The following SDK1 variants were observed in gnomAD, a reference collection of about 807,000 sequenced individuals.
SDK1 encodes protein sidekick-1.
Under a neutral mutation model 245.5 loss-of-function variants are expected in SDK1, and 157 were observed. The observed-to-expected ratio is 0.64, with a 90% CI of 0.56 to 0.73. SDK1 has a LOEUF of 0.73. SDK1 is among the 30% of genes least tolerant of loss of function. The probability of loss-of-function intolerance (pLI) is 0.00; values close to 1 mark genes in which losing one functional copy is unlikely to be tolerated. For missense variants in SDK1, 3,583 were observed against 3,002.3 expected (o/e 1.19, Z -4.52); for synonymous variants, 1,647 against 1,278.5 (o/e 1.29, Z -6.15).
intron 1 of SDK1, among the ~76,000 whole-genome samples, chr7:3,568,949 ACATTTATTTTTAGTTT>A (rs1780014259): frequency 6.6e-6 from 1 of 151,964 alleles, no homozygotes; most frequent in Non-Finnish European, 1.5e-5. Context: ...ATGCAAATAA[ACATTTATTTTTAGTTT>A]AAGTTCTCTA....
At chr7:3,506,931 A>C (rs1782413051) in intron 1 of SDK1, among the ~76,000 whole-genome samples, 1 of 151,854 alleles carries the variant, frequency 6.6e-6, no homozygotes, top group Non-Finnish European at 1.5e-5. Context: ...TATATAGTCT[A>C]ATTTTTCTCT....
chr7:4,218,392 C>CAAA (rs571075302), intron 38 of SDK1, among the ~76,000 whole-genome samples: 2 of 132,852 alleles, frequency 1.5e-5, no homozygotes, highest in Non-Finnish European at 3.2e-5. Flanking sequence ...GACTCCGTCT[C>CAAA]AAAAAAAAAA....
chr7:3,637,240 G>T (rs933791517), intron 2 of SDK1, among the ~76,000 whole-genome samples: 1 of 152,086 alleles, frequency 6.6e-6, no homozygotes, highest in African/African-American at 2.4e-5. Flanking sequence ...TGGGATTACA[G>T]GCGTGTGCCA....
At chr7:3,348,487 G>A (rs887169916) in intron 1 of SDK1, among the ~76,000 whole-genome samples, 4 of 87,518 alleles carry the variant, frequency 4.6e-5, no homozygotes, top group African/African-American at 1.4e-4. Context: ...TCGTAAGGGA[G>A]AACTAAACAT....
At chr7:4,025,398 C>A (rs1049011011) in intron 17 of SDK1, among the ~76,000 whole-genome samples, 1 of 152,176 alleles carries the variant, frequency 6.6e-6, no homozygotes, top group Admixed American at 6.5e-5. Flanking sequence ...AGGCACATAG[C>A]GGAGGACTGG....
At chr7:3,919,548 G>C (rs1779515263) in intron 5 of SDK1, among the ~76,000 whole-genome samples, 1 of 152,200 alleles carries the variant, frequency 6.6e-6, no homozygotes, top group African/African-American at 2.4e-5. Flanking sequence ...CTGGTGAACT[G>C]AAAGATAGAC....
chr7:3,364,191 T>A (rs1400077679), intron 1 of SDK1, among the ~76,000 whole-genome samples: 1 of 152,232 alleles, frequency 6.6e-6, no homozygotes. Context: ...TACTAGGCAT[T>A]TGTTGAACAT....
intron 5 of SDK1, among the ~76,000 whole-genome samples, chr7:3,845,683 G>A (rs1208524924): frequency 6.7e-6 from 1 of 149,164 alleles, no homozygotes; most frequent in African/African-American, 2.5e-5. Context: ...TTCTCTCCAC[G>A]TGCTTCTCCT....
chr7:3,801,596 G>A (rs961313508), intron 4 of SDK1, among the ~76,000 whole-genome samples: 1 of 152,146 alleles, frequency 6.6e-6, no homozygotes, highest in African/African-American at 2.4e-5. Flanking sequence ...CAGGAAGGAG[G>A]GCCTGGGAGG....
intron 4 of SDK1, among the ~76,000 whole-genome samples, chr7:3,786,087 C>A (rs978818957): frequency 6.6e-6 from 1 of 152,086 alleles, no homozygotes; most frequent in African/African-American, 2.4e-5. Flanking sequence ...ATAGAGAGAG[C>A]GAAAGTGCTC....
At chr7:3,335,421 T>C (rs1278095894) in intron 1 of SDK1, among the ~76,000 whole-genome samples, 35 of 40,894 alleles carry the variant, frequency 8.6e-4, no homozygotes, top group Admixed American at 6.7e-3. Context: ...GGTACTTATC[T>C]TTTTTTTTTT....
At chr7:3,956,939 G>A (rs1368018373) in intron 7 of SDK1, among the ~76,000 whole-genome samples, 3 of 152,174 alleles carry the variant, frequency 2.0e-5, no homozygotes, top group African/African-American at 7.2e-5. Context: ...TGTACCAGGC[G>A]ACAACGGTAA....
At chr7:3,925,657 G>A (rs1223023418) in intron 5 of SDK1, among the ~76,000 whole-genome samples, 4 of 152,168 alleles carry the variant, frequency 2.6e-5, no homozygotes, top group Admixed American at 6.5e-5. Context: ...TGAGGCACAC[G>A]GATCCTTCCT....
intron 5 of SDK1, among the ~76,000 whole-genome samples, chr7:3,832,058 AATAAT>A (rs1397992869): frequency 6.6e-6 from 1 of 152,170 alleles, no homozygotes; most frequent in Non-Finnish European, 1.5e-5. Flanking sequence ...CTCTTAAAAT[AATAAT>A]ATAATAATCA....
At chr7:3,560,294 A>G (rs943111473) in intron 1 of SDK1, among the ~76,000 whole-genome samples, 2 of 152,160 alleles carry the variant, frequency 1.3e-5, no homozygotes, top group Admixed American at 6.5e-5. Context: ...TGTACTGTCT[A>G]TATGCTGATG....
intron 1 of SDK1, among the ~76,000 whole-genome samples, chr7:3,564,828 G>C (rs935303523): frequency 6.6e-6 from 1 of 152,176 alleles, no homozygotes; most frequent in East Asian, 1.9e-4. Context: ...TGAAGAGAGA[G>C]ATGTTCAGCA....
chr7:4,157,175 T>C (rs1676885093), intron 30 of SDK1, among the ~76,000 whole-genome samples: 1 of 151,956 alleles, frequency 6.6e-6, no homozygotes, highest in African/African-American at 2.4e-5. Flanking sequence ...CGGAAGAGTT[T>C]GGCTGAAGTC....
At chr7:3,569,015 T>TTTG (rs893313870) in intron 1 of SDK1, among the ~76,000 whole-genome samples, 5 of 151,762 alleles carry the variant, frequency 3.3e-5, no homozygotes, top group African/African-American at 1.2e-4. Flanking sequence ...TGTTTTTTTT[T>TTTG]TTTTTCTAGT....
At chr7:3,555,419 AC>A (rs1278167359) in intron 1 of SDK1, among the ~76,000 whole-genome samples, 2 of 152,210 alleles carry the variant, frequency 1.3e-5, no homozygotes, top group Non-Finnish European at 2.9e-5. Flanking sequence ...CTCATCACAT[AC>A]AAAAATCAAA....
Sources: allele counts gnomAD v4.1 joint callset (sites outside exome capture counted in the v4.1 genomes callset), GRCh38; gene constraint gnomAD v4.1.1; transcripts MANE v1.5; gene names NCBI Gene and HGNC (gene_info 2026-07-23, HGNC 2026-07-21).